Variants in DPYD observed in about 807,000 individuals in gnomAD.
DPYD encodes the protein dihydropyrimidine dehydrogenase [NADP(+)].
In DPYD, 109 loss-of-function variants were observed where a neutral mutation model predicts 116.2. That is an observed-to-expected ratio of 0.94 (90% CI 0.80 to 1.10). The LOEUF is 1.10. DPYD is among the 50% of genes least tolerant of loss of function. DPYD has a pLI of 0.00. For synonymous variants in DPYD, 440 were observed against 432.0 expected (o/e 1.02, Z -0.23); for missense variants, 1,302 against 1,254.5 (o/e 1.04, Z -0.57).
At chr1:97,503,299 T>C (rs1246519094) in intron 13 of DPYD, among the ~76,000 whole-genome samples, 1 of 152,054 alleles carries the variant, frequency 6.6e-6, no homozygotes, top group African/African-American at 2.4e-5. Context: ...ACTAAGTGGC[T>C]GCCTACCTTA....
At chr1:97,422,655 G>T (rs551379359) in intron 14 of DPYD, among the ~76,000 whole-genome samples, 4 of 152,178 alleles carry the variant, frequency 2.6e-5, no homozygotes, top group African/African-American at 9.6e-5. Flanking sequence ...TGGATTCTGG[G>T]AGTTCATTCC....
At chr1:97,529,381 CTA>C (rs1016400272) in intron 12 of DPYD, among the ~76,000 whole-genome samples, 1 of 152,050 alleles carries the variant, frequency 6.6e-6, no homozygotes, top group African/African-American at 2.4e-5. Context: ...AAAAAGTAGT[CTA>C]TTTTATTTAT....
intron 10 of DPYD, chr1:97,586,439 G>A (rs1287946647): frequency 9.1e-6 from 1 of 110,402 alleles, no homozygotes; most frequent in African/African-American, 3.5e-5. Context: ...TGAATCTGTG[G>A]GCTTATCTGT....
chr1:97,467,277 GA>G (rs538840651), intron 13 of DPYD, among the ~76,000 whole-genome samples: 3 of 152,172 alleles, frequency 2.0e-5, no homozygotes, highest in Non-Finnish European at 4.4e-5. Flanking sequence ...GAGGTACCTA[GA>G]GAAAGTCAAA....
At chr1:97,768,655 C>T (rs545586670) in intron 3 of DPYD, among the ~76,000 whole-genome samples, 1 of 152,196 alleles carries the variant, frequency 6.6e-6, no homozygotes, top group African/African-American at 2.4e-5. Context: ...TAAATTTCTG[C>T]TACAAGATGC....
At chr1:97,087,334 G>C (rs1649586961) in intron 21 of DPYD, among the ~76,000 whole-genome samples, 1 of 152,160 alleles carries the variant, frequency 6.6e-6, no homozygotes, top group African/African-American at 2.4e-5. Context: ...AGGCAGACAG[G>C]AGTACTGTAC....
At chr1:97,883,217 G>A (rs767616576) in intron 2 of DPYD, 47 bp downstream of exon 2, 2 of 1,279,170 alleles carry the variant, frequency 1.6e-6, no homozygotes, top group South Asian at 2.4e-5. Context: ...TACAATGTGT[G>A]GAGTGAGGTA....
chr1:97,561,986 TA>T (rs1248659304), intron 11 of DPYD, among the ~76,000 whole-genome samples: 1 of 152,230 alleles, frequency 6.6e-6, no homozygotes. Flanking sequence ...AAGGTAACTT[TA>T]TTTGCATGCA....
chr1:97,273,377 G>A (rs566281782), intron 18 of DPYD, among the ~76,000 whole-genome samples: 1 of 152,232 alleles, frequency 6.6e-6, no homozygotes, highest in South Asian at 2.1e-4. Context: ...TATAAAATAT[G>A]TTTGAGGCAC....
At chr1:97,500,957 C>A (rs1679541321) in intron 13 of DPYD, among the ~76,000 whole-genome samples, 1 of 152,012 alleles carries the variant, frequency 6.6e-6, no homozygotes, top group Admixed American at 6.6e-5. Flanking sequence ...TAACCATCAG[C>A]TTAATTAGAC....
chr1:97,089,221 A>G (rs1649727512), intron 21 of DPYD, among the ~76,000 whole-genome samples: 1 of 152,182 alleles, frequency 6.6e-6, no homozygotes, highest in Non-Finnish European at 1.5e-5. Context: ...TTAGAGATAC[A>G]TTCCCGGCTT....
At chr1:97,290,391 CA>C (rs1393649440) in intron 18 of DPYD, among the ~76,000 whole-genome samples, 9 of 152,214 alleles carry the variant, frequency 5.9e-5, no homozygotes, top group South Asian at 2.1e-4. Flanking sequence ...AATCCTAAGC[CA>C]AAACAACAAA....
intron 12 of DPYD, among the ~76,000 whole-genome samples, chr1:97,536,391 A>AT (rs1650001591): frequency 6.6e-6 from 1 of 152,230 alleles, no homozygotes; most frequent in Admixed American, 6.5e-5. Context: ...AGTTTGCAAC[A>AT]TATCTTAAAC....
chr1:97,257,142 A>C (rs903713569), intron 18 of DPYD, among the ~76,000 whole-genome samples: 1 of 152,120 alleles, frequency 6.6e-6, no homozygotes, highest in Admixed American at 6.6e-5. Context: ...ATTTGAAAGA[A>C]GAAAACTAAA....
At chr1:97,510,474 T>C (rs1647704457) in intron 13 of DPYD, among the ~76,000 whole-genome samples, 1 of 151,912 alleles carries the variant, frequency 6.6e-6, no homozygotes, top group Non-Finnish European at 1.5e-5. Flanking sequence ...CCAAATAATC[T>C]CATAGGCATT....
chr1:97,921,003 C>A lies in DPYD; in HGVS notation c.-81G>T, dbSNP rs902785323. 11 of 1,528,414 alleles carry A rather than the reference C, an allele frequency of 7.2e-6. No homozygotes were observed. The highest frequency in any genetic ancestry group is 9.8e-6 in the Non-Finnish European group (11 of 1,127,404). The allele number at this position is 1,528,414 out of a possible 1,614,324, so 94.7% of individuals were successfully genotyped here. On this transcript the variant is annotated 5_prime_UTR_variant, in exon 1 of 23. Coordinates refer to ENST00000370192, the MANE Select transcript of DPYD (RefSeq NM_000110.4). ...CTCCAGCCAGAGAGCCAAGTGACAG[C>A]AGCCGGAGCGCGAGTCGAAAACAGG... is the stretch of plus-strand genomic sequence containing the variant.
chr1:97,210,076 G>A (rs1252162192), intron 19 of DPYD, among the ~76,000 whole-genome samples: 1 of 152,070 alleles, frequency 6.6e-6, no homozygotes, highest in Non-Finnish European at 1.5e-5. Flanking sequence ...CAGGCCAGGA[G>A]AATCTGGTTT....
chr1:97,727,357 G>A (rs1663323444), intron 4 of DPYD, among the ~76,000 whole-genome samples: 1 of 151,720 alleles, frequency 6.6e-6, no homozygotes, highest in Non-Finnish European at 1.5e-5. Context: ...ACTTGGGAAA[G>A]ATTATTAGAA....
chr1:97,786,605 A>G (rs941739400), intron 3 of DPYD, among the ~76,000 whole-genome samples: 2 of 152,202 alleles, frequency 1.3e-5, no homozygotes, highest in African/African-American at 2.4e-5. Flanking sequence ...AGACATTTGT[A>G]TAAGTCATTT....
Sources: allele counts gnomAD v4.1 joint callset (sites outside exome capture counted in the v4.1 genomes callset), GRCh38; gene constraint gnomAD v4.1.1; transcripts MANE v1.5; gene names NCBI Gene and HGNC (gene_info 2026-07-23, HGNC 2026-07-21).